Variants in FUT8 observed in about 807,000 individuals in gnomAD.
FUT8 encodes the protein fucosyltransferase 8.
Under a neutral mutation model 71.3 loss-of-function variants are expected in FUT8, and 29 were observed. The observed-to-expected ratio is 0.41, with a 90% CI of 0.30 to 0.55. FUT8 has a LOEUF of 0.55. Ranked by LOEUF, FUT8 falls within the 20% of genes least tolerant of loss-of-function variation. The probability of loss-of-function intolerance (pLI) is 0.34; values close to 1 mark genes in which losing one functional copy is unlikely to be tolerated. For missense variants in FUT8, 544 were observed against 702.1 expected, an observed-to-expected ratio of 0.77 and a Z score of 2.55; for synonymous variants, 254 against 239.3, an observed-to-expected ratio of 1.06 and a Z score of -0.57.
intron 3 of FUT8, among the ~76,000 whole-genome samples, chr14:65,602,725 AGGTGGT>A (rs1888372888): frequency 6.6e-6 from 1 of 151,810 alleles, no homozygotes; most frequent in Non-Finnish European, 1.5e-5. Context: ...TGTGGGAGTA[AGGTGGT>A]ATCACATTGT....
Position 65,642,110 on chromosome 14 carries a change from A to G in FUT8, c.597+12504A>G, listed in dbSNP as rs545888005. ...TATTTATGAAATTTTTGTGAAGCCT[A>G]AGGTGACTAGAATTTTTTCTGGTTT... On this transcript the variant is annotated intron_variant, in intron 6 of 10. Transcript: ENST00000673929. Among the ~76,000 whole-genome samples, 6 of 152,268 alleles carry G rather than the reference A, an allele frequency of 3.9e-5. No homozygotes were observed. In the South Asian group the frequency reaches 1.2e-3, roughly 32 times the overall value.
intron 7 of FUT8, among the ~76,000 whole-genome samples, chr14:65,691,953 G>A (rs907408019): frequency 6.6e-6 from 1 of 152,176 alleles, no homozygotes; most frequent in Non-Finnish European, 1.5e-5. Context: ...CAAGGCAGAA[G>A]AATTTTTCTT....
At chr14:65,720,149 C>T (rs1202734262) in intron 7 of FUT8, among the ~76,000 whole-genome samples, 1 of 151,348 alleles carries the variant, frequency 6.6e-6, no homozygotes, top group Non-Finnish European at 1.5e-5. Context: ...CCTCTATTCT[C>T]CTGCAGCTGA....
intron 3 of FUT8, among the ~76,000 whole-genome samples, chr14:65,582,015 T>G (rs564797410): frequency 2.0e-5 from 3 of 152,306 alleles, no homozygotes; most frequent in Admixed American, 2.0e-4. Flanking sequence ...AGAATCTTGT[T>G]GCTATAACTG....
chr14:65,446,303 T>C (rs1321818295), intron 1 of FUT8, among the ~76,000 whole-genome samples: 1 of 152,188 alleles, frequency 6.6e-6, no homozygotes, highest in East Asian at 1.9e-4. Context: ...GTATGCCCTG[T>C]AGATTTTCAG....
At chr14:65,411,970 C>T (rs961036738), upstream of FUT8, 19 of 454,542 alleles carry the variant, frequency 4.2e-5, no homozygotes, top group Non-Finnish European at 8.0e-5. Flanking sequence ...TCGCGGGCGC[C>T]GGGAATTTTC....
intron 6 of FUT8, among the ~76,000 whole-genome samples, chr14:65,668,312 C>T (rs937558853): frequency 2.0e-5 from 3 of 152,062 alleles, no homozygotes; most frequent in African/African-American, 7.2e-5. Context: ...TATTTGCAAG[C>T]TATGAAAGGT....
chr14:65,421,422 C>A (rs1030137453), intron 1 of FUT8, among the ~76,000 whole-genome samples: 1 of 152,008 alleles, frequency 6.6e-6, no homozygotes, highest in Non-Finnish European at 1.5e-5. Context: ...TATGGCAATA[C>A]GTCATACTTC....
intron 6 of FUT8, among the ~76,000 whole-genome samples, chr14:65,639,941 A>C (rs1053861831): frequency 6.6e-6 from 1 of 152,192 alleles, no homozygotes; most frequent in Non-Finnish European, 1.5e-5. Flanking sequence ...AAAATCATCA[A>C]ATAACCAGTT....
intron 6 of FUT8, among the ~76,000 whole-genome samples, chr14:65,639,279 A>G (rs998675701): frequency 5.3e-5 from 8 of 152,208 alleles, no homozygotes; most frequent in African/African-American, 1.9e-4. Flanking sequence ...AAGCATTATT[A>G]AAAACAACTT....
chr14:65,527,568 A>T (rs780835615), intron 2 of FUT8, among the ~76,000 whole-genome samples: 1 of 152,158 alleles, frequency 6.6e-6, no homozygotes, highest in Non-Finnish European at 1.5e-5. Flanking sequence ...CAACTCATCA[A>T]AGTCATTCTC....
intron 2 of FUT8, among the ~76,000 whole-genome samples, chr14:65,500,605 C>A (rs1445996549): frequency 1.3e-5 from 2 of 152,182 alleles, no homozygotes; most frequent in African/African-American, 4.8e-5. Context: ...TTTCTTTTCG[C>A]TAGACTAAAA....
chr14:65,714,541 C>T (rs1252925895), intron 7 of FUT8, among the ~76,000 whole-genome samples: 3 of 151,870 alleles, frequency 2.0e-5, no homozygotes, highest in Admixed American at 6.6e-5. Context: ...GTTTGGCCTT[C>T]CAAAGTGTTA....
intron 2 of FUT8, among the ~76,000 whole-genome samples, chr14:65,539,072 A>T (rs1884521610): frequency 6.6e-6 from 1 of 152,224 alleles, no homozygotes. Context: ...TTTAGATATT[A>T]GTTGTTACTC....
intron 3 of FUT8, among the ~76,000 whole-genome samples, chr14:65,606,340 G>A (rs111355959): frequency 0.011 from 1,613 of 151,564 alleles, 36 homozygotes; most frequent in African/African-American, 0.037. Flanking sequence ...GCCTCCCGAA[G>A]TGCTGGGATT....
chr14:65,494,519 A>T (rs2066530165), intron 2 of FUT8, among the ~76,000 whole-genome samples: 1 of 152,186 alleles, frequency 6.6e-6, no homozygotes, highest in East Asian at 1.9e-4. Flanking sequence ...AGTGAAGAGG[A>T]ATCTGGGGCT....
At chr14:65,557,401 C>T (rs1009437636) in intron 2 of FUT8, among the ~76,000 whole-genome samples, 7 of 149,654 alleles carry the variant, frequency 4.7e-5, no homozygotes, top group East Asian at 2.0e-4. Flanking sequence ...GTTGTGATCT[C>T]GGCTCACTGC....
At chr14:65,358,386 T>G in the FUT8 span, among the ~76,000 whole-genome samples, 163 of 152,304 alleles carry the variant, frequency 1.1e-3, 3 homozygotes, top group East Asian at 0.024. Context: ...TTAAACACTT[T>G]TTAATAACAA....
intron 2 of FUT8, among the ~76,000 whole-genome samples, chr14:65,508,067 C>CTTTT (rs71446303): frequency 7.9e-6 from 1 of 126,034 alleles, no homozygotes; most frequent in African/African-American, 2.9e-5. Flanking sequence ...ATGTTAAACA[C>CTTTT]TTTTTTTTTT....
Sources: allele counts gnomAD v4.1 joint callset (sites outside exome capture counted in the v4.1 genomes callset), GRCh38; gene constraint gnomAD v4.1.1; transcripts MANE v1.5; gene names NCBI Gene and HGNC (gene_info 2026-07-23, HGNC 2026-07-21).